PKD2: variants seen among roughly 807,000 people sequenced by gnomAD.
The protein encoded by PKD2 is polycystin-2.
Under a neutral mutation model 105.9 loss-of-function variants are expected in PKD2, and 48 were observed. That is an observed-to-expected ratio of 0.45 (90% CI 0.36 to 0.58). The LOEUF (loss-of-function observed/expected upper bound fraction) is 0.58, where lower values mean the gene tolerates loss of function less well. PKD2 is among the 20% of genes least tolerant of loss of function. The pLI, the probability that PKD2 is intolerant of heterozygous loss-of-function variation, is 0.00. For missense variants in PKD2, 1,078 were observed against 1,255.3 expected (o/e 0.86, Z 2.13); for synonymous variants, 464 against 481.1 (o/e 0.96, Z 0.46).
At chr4:88,042,988 C>T (rs563008358) in intron 4 of PKD2, among the ~76,000 whole-genome samples, 7 of 152,272 alleles carry the variant, frequency 4.6e-5, no homozygotes, top group South Asian at 4.2e-4. Context: ...CATTGGTTCC[C>T]GAGTCTGCCC....
intron 11 of PKD2, 33 bp downstream of exon 11, chr4:88,065,528 T>G (rs1720759262): frequency 1.9e-6 from 3 of 1,607,634 alleles, no homozygotes; most frequent in Non-Finnish European, 2.6e-6. Flanking sequence ...TTCTGAAAAA[T>G]TCCTGCTTCT....
At chr4:88,029,530 T>G (rs997913759) in intron 2 of PKD2, among the ~76,000 whole-genome samples, 3 of 152,160 alleles carry the variant, frequency 2.0e-5, no homozygotes, top group African/African-American at 7.2e-5. Flanking sequence ...TCATCCTAGA[T>G]GCTTTCCCTT....
At chr4:88,033,155 G>A (rs570169318) in intron 2 of PKD2, among the ~76,000 whole-genome samples, 14 of 152,150 alleles carry the variant, frequency 9.2e-5, no homozygotes, top group Admixed American at 6.5e-4. Flanking sequence ...GGCTGGGCGC[G>A]GTGGCTCACG....
intron 11 of PKD2, 53 bp from the exon 12 acceptor site, chr4:88,065,709 G>A: frequency 7.4e-7 from 1 of 1,356,868 alleles, no homozygotes; most frequent in Non-Finnish European, 1.1e-6. Context: ...CTGTGTTGAG[G>A]GTGAACTGGG....
chr4:88,036,260 C>A lies in PKD2; in HGVS notation c.750C>A (p.Thr250=). Residue 250 remains threonine, a synonymous_variant, in exon 3 of 15, where the codon ACC becomes ACA. Coordinates refer to ENST00000237596, the MANE Select transcript of PKD2 (RefSeq NM_000297.4). ...GMMSSNVYYY[T]RMMSQLFLDT... ...TGAGCTCCAATGTGTACTACTACAC[C>A]CGGATGATGTCACAGCTCTTCCTAG... is the stretch of plus-strand genomic sequence containing the variant. 6.2e-7 allele frequency: 1 copy of A among 1,613,640 alleles called. No homozygotes were observed. Among genetic ancestry groups the A allele is most frequent in the Non-Finnish European group, 8.5e-7 (1 of 1,179,660 alleles).
intron 1 of PKD2, among the ~76,000 whole-genome samples, chr4:88,016,369 C>T (rs927050987): frequency 1.3e-5 from 2 of 152,204 alleles, no homozygotes; most frequent in Non-Finnish European, 2.9e-5. Flanking sequence ...GAAGTTAACT[C>T]CCACCACAAC....
intron 1 of PKD2, among the ~76,000 whole-genome samples, chr4:88,015,475 T>G (rs773825249): frequency 2.0e-5 from 3 of 151,672 alleles, no homozygotes; most frequent in Non-Finnish European, 4.4e-5. Context: ...TGCAGTGGTG[T>G]GATCTCGGCT....
intron 14 of PKD2, 90 bp downstream of exon 14, chr4:88,075,049 A>G: frequency 7.1e-7 from 1 of 1,408,568 alleles, no homozygotes; most frequent in Non-Finnish European, 9.9e-7. Flanking sequence ...GAAGTATTGA[A>G]GAAGAGTAAA....
chr4:88,046,623 T>C lies in PKD2; in HGVS notation c.1320-19T>C. The C allele has an allele frequency of 3.6e-6, 5 of 1,387,422 alleles. No individual in the cohort carries two copies. The highest frequency in any genetic ancestry group is 5.1e-6 in the Non-Finnish European group (5 of 973,172). The allele number at this position is 1,387,422 out of a possible 1,614,324, so 85.9% of individuals were successfully genotyped here. On this transcript the variant is annotated intron_variant, in intron 5 of 14. Coordinates refer to ENST00000237596, the MANE Select transcript of PKD2 (RefSeq NM_000297.4). ...GTGTTGTTGTTGTTATTGTTTTAAT[T>C]GTTCTTATTTACATGCAGGTTATTG...
intron 1 of PKD2, among the ~76,000 whole-genome samples, chr4:88,012,898 C>T (rs1181362639): frequency 6.6e-6 from 1 of 152,044 alleles, no homozygotes; most frequent in African/African-American, 2.4e-5. Context: ...GTGCAAATTC[C>T]CTTCTTTTTT....
At chr4:88,032,555 G>T (rs1334565979) in intron 2 of PKD2, among the ~76,000 whole-genome samples, 1 of 152,170 alleles carries the variant, frequency 6.6e-6, no homozygotes, top group East Asian at 1.9e-4. Context: ...GCAGAAGAAA[G>T]ATGTGTACAT....
chr4:88,032,101 T>C (rs1261301177), intron 2 of PKD2, among the ~76,000 whole-genome samples: 1 of 152,188 alleles, frequency 6.6e-6, no homozygotes, highest in South Asian at 2.1e-4. Context: ...TCATGCTTTT[T>C]TGTCAAATTT....
intron 2 of PKD2, 189 bp from the exon 3 acceptor site, chr4:88,036,031 T>C: frequency 1.2e-6 from 1 of 811,524 alleles, no homozygotes; most frequent in Non-Finnish European, 2.0e-6. Flanking sequence ...GTATTTCTTT[T>C]ATAAGCCAGA....
chr4:88,070,539 G>A (rs1332047745), intron 13 of PKD2, among the ~76,000 whole-genome samples: 2 of 146,198 alleles, frequency 1.4e-5, no homozygotes, highest in South Asian at 2.2e-4. Flanking sequence ...TCTCTGTTGA[G>A]CTCCTCTAGT....
At position 88,077,011 on chromosome 4, in the gene PKD2, C is replaced by T. The variant is rs977161031; in HGVS notation, c.*1317C>T. The stretch of plus-strand genomic sequence containing the variant: ...GTTTTCTTTACGAGAGGGTCTCACC[C>T]AAATTTATGGGGAGAAATCTATTTC... On this transcript the variant is annotated 3_prime_UTR_variant, in exon 15 of 15. Transcript: ENST00000237596. 6.6e-6 allele frequency: 1 copy of T among 151,578 alleles called. No individual in the cohort carries two copies. The highest frequency in any genetic ancestry group is 2.4e-5 in the African/African-American group (1 of 41,230). 9.4% of individuals were successfully genotyped at this position (151,578 alleles called of 1,614,324 possible).
At chr4:88,040,472 C>T (rs1246805778) in intron 4 of PKD2, among the ~76,000 whole-genome samples, 2 of 152,202 alleles carry the variant, frequency 1.3e-5, no homozygotes, top group Non-Finnish European at 2.9e-5. Context: ...CCTGTCATAT[C>T]TAAACTATCC....
intron 5 of PKD2, 27 bp downstream of exon 5, chr4:88,043,484 C>A (rs1487353424): frequency 6.8e-7 from 1 of 1,474,228 alleles, no homozygotes; most frequent in Non-Finnish European, 9.5e-7. Flanking sequence ...TGCATCCCTC[C>A]TATTTCTGTG....
intron 6 of PKD2, among the ~76,000 whole-genome samples, chr4:88,048,720 G>A (rs979743063): frequency 2.0e-5 from 3 of 152,226 alleles, no homozygotes; most frequent in East Asian, 1.9e-4. Context: ...AGTGCATCCC[G>A]TCTTTTACGA....
At chr4:88,031,390 T>C (rs756406512) in intron 2 of PKD2, among the ~76,000 whole-genome samples, 9 of 150,434 alleles carry the variant, frequency 6.0e-5, no homozygotes, top group Non-Finnish European at 1.3e-4. Flanking sequence ...TCCCTTCAAA[T>C]GTTTGTTTGT....
Sources: gnomAD v4.1 joint callset for allele counts (sites outside exome capture counted in the v4.1 genomes callset) on GRCh38, gnomAD v4.1.1 for gene constraint, MANE v1.5 for transcripts, NCBI Gene and HGNC (gene_info 2026-07-23, HGNC 2026-07-21) for gene names.